PDE9A: variants seen among roughly 807,000 people sequenced by gnomAD.
PDE9A encodes high affinity cGMP-specific 3',5'-cyclic phosphodiesterase 9A.
In PDE9A, 60 loss-of-function variants were observed where a neutral mutation model predicts 87.4. The ratio of observed to expected loss-of-function variants is 0.69; its 90% CI spans 0.56 to 0.85. The LOEUF is 0.85. Among genes scored for constraint, PDE9A ranks in the 40% least tolerant of loss-of-function variants. The probability of loss-of-function intolerance (pLI) is 0.00; values close to 1 mark genes in which losing one functional copy is unlikely to be tolerated. For missense variants in PDE9A, 665 were observed against 779.0 expected, an observed-to-expected ratio of 0.85 and a Z score of 1.74; for synonymous variants, 272 against 279.4, an observed-to-expected ratio of 0.97 and a Z score of 0.27.
At chr21:42,653,938 G>A (rs901509236) in intron 1 of PDE9A, 55 bp downstream of exon 1, 9 of 1,104,634 alleles carry the variant, frequency 8.1e-6, no homozygotes, top group Non-Finnish European at 1.2e-5. Context: ...CAGCGCCGGG[G>A]CCGGGCGCGG....
At chr21:42,725,637 AC>A (rs2146637045) in intron 4 of PDE9A, among the ~76,000 whole-genome samples, 1 of 151,568 alleles carries the variant, frequency 6.6e-6, no homozygotes, top group East Asian at 1.9e-4. Flanking sequence ...ACCCAGCACA[AC>A]CCCCTGGCAT....
chr21:42,699,375 A>G (rs1485505839), intron 4 of PDE9A, among the ~76,000 whole-genome samples: 1 of 152,046 alleles, frequency 6.6e-6, no homozygotes. Context: ...CCCCTCGGCC[A>G]GAGGCCATCC....
In PDE9A at chr21:42,731,797, GC is replaced by G. The variant is rs761644031; in HGVS notation, c.292del (p.Arg98ValfsTer9). 3.7e-6 allele frequency: 6 copies of G among 1,614,086 alleles called. No individual in the cohort carries two copies. In the South Asian group the frequency reaches 6.6e-5, roughly 18 times the overall value. On this transcript the variant is annotated frameshift_variant, in exon 5 of 20. Coordinates refer to ENST00000291539, the MANE Select transcript of PDE9A (RefSeq NM_002606.3). LOFTEE classifies it high-confidence loss of function. ...GGTGTCGAGGACAAGAGAACCACAA[GC>G]CGTGGCCAGTCTGCTGAGAGACCAC... ...SAGVEDKRTT[S>X]RGQSAERPLR...
At chr21:42,740,626 AATG>A (rs56303832) in intron 7 of PDE9A, among the ~76,000 whole-genome samples, 1 of 14,702 alleles carries the variant, frequency 6.8e-5, no homozygotes, top group African/African-American at 2.5e-4. Flanking sequence ...TGGATGGATG[AATG>A]GATACATAGA....
At chr21:42,658,308 G>A (rs1434574677) in intron 1 of PDE9A, among the ~76,000 whole-genome samples, 1 of 152,252 alleles carries the variant, frequency 6.6e-6, no homozygotes, top group Non-Finnish European at 1.5e-5. Flanking sequence ...CCTGGCCCAA[G>A]GGAATGTCGC....
chr21:42,734,023 C>A (rs1398920151), intron 7 of PDE9A: 2 of 152,110 alleles, frequency 1.3e-5, no homozygotes, highest in African/African-American at 2.4e-5. Context: ...TCTCTCTACC[C>A]TCCTGCTTCT....
intron 4 of PDE9A, among the ~76,000 whole-genome samples, chr21:42,730,868 G>A (rs1235221970): frequency 6.6e-6 from 1 of 152,214 alleles, no homozygotes; most frequent in African/African-American, 2.4e-5. Flanking sequence ...GGGACCCTGG[G>A]TCAGTGCTTG....
At chr21:42,678,361 G>A (rs1228265005) in intron 1 of PDE9A, among the ~76,000 whole-genome samples, 2 of 152,232 alleles carry the variant, frequency 1.3e-5, no homozygotes, top group Admixed American at 6.5e-5. Flanking sequence ...AAATGGGGCA[G>A]AGACAGTGAA....
chr21:42,761,937 A>T, intron 13 of PDE9A, 146 bp from the exon 14 acceptor site: 1 of 724,482 alleles, frequency 1.4e-6, no homozygotes, highest in Non-Finnish European at 2.2e-6. Flanking sequence ...CCTCCTGGCC[A>T]GGCCAGGGCA....
At chr21:42,668,898 A>ACCCCCCCCCCCCCCC (rs375148519) in intron 1 of PDE9A, among the ~76,000 whole-genome samples, 20 of 104,762 alleles carry the variant, frequency 1.9e-4, no homozygotes, top group African/African-American at 4.6e-4. Flanking sequence ...TGCTCCCTCC[A>ACCCCCCCCCCCCCCC]CCCCCCGCCA....
At chr21:42,665,908 C>T (rs1394387199) in intron 1 of PDE9A, among the ~76,000 whole-genome samples, 1 of 152,236 alleles carries the variant, frequency 6.6e-6, no homozygotes, top group Non-Finnish European at 1.5e-5. Flanking sequence ...GCTCCTGATG[C>T]TCCCCTGGGC....
Position 42,653,772 on chromosome 21 carries a change from G to A in PDE9A, c.-43G>A, listed in dbSNP as rs924044875. 1.1e-5 allele frequency: 15 copies of A among 1,389,392 alleles called. No homozygotes were observed. The highest frequency in any genetic ancestry group is 9.1e-5 in the African/African-American group (6 of 65,798). 86.1% of individuals were successfully genotyped at this position (1,389,392 alleles called of 1,614,324 possible). On this transcript the variant is annotated 5_prime_UTR_variant, in exon 1 of 20. Transcript: ENST00000291539. ...CCGCCTCCCGCGGCGGCTGGCGTCGGGAAAGTACAGTAAAAAGTCCGAGTG... is the reference window on the plus strand; with the variant it reads ...CCGCCTCCCGCGGCGGCTGGCGTCGAGAAAGTACAGTAAAAAGTCCGAGTG...
intron 4 of PDE9A, among the ~76,000 whole-genome samples, chr21:42,711,514 G>A (rs2049343053): frequency 6.6e-6 from 1 of 151,996 alleles, no homozygotes; most frequent in Non-Finnish European, 1.5e-5. Context: ...GCCTCCCAAA[G>A]TGCTGAGCCA....
At chr21:42,690,002 G>A (rs545347860) in intron 3 of PDE9A, 34 of 985,316 alleles carry the variant, frequency 3.5e-5, no homozygotes, top group East Asian at 2.3e-4. Flanking sequence ...AGACACACGC[G>A]GATGAGGATA....
chr21:42,726,626 T>TATATATATATATA (rs1569207600), intron 4 of PDE9A, among the ~76,000 whole-genome samples: 2 of 41,166 alleles, frequency 4.9e-5, no homozygotes, highest in African/African-American at 3.3e-4. Flanking sequence ...ATATATATAT[T>TATATATATATATA]TTTTTTTTTT....
At chr21:42,676,181 A>G (rs532599780) in intron 1 of PDE9A, among the ~76,000 whole-genome samples, 2 of 152,304 alleles carry the variant, frequency 1.3e-5, no homozygotes, top group East Asian at 3.9e-4. Context: ...AGCCTGCAGA[A>G]CTGTGAGCCA....
Position 42,760,770 on chromosome 21 carries a change from C to A in PDE9A, c.1003-55C>A. The A allele has an allele frequency of 1.0e-6, 1 of 965,720 alleles. No individual in the cohort carries two copies. Among genetic ancestry groups the A allele is most frequent in the South Asian group, 1.3e-5 (1 of 77,056 alleles). The allele number at this position is 965,720 out of a possible 1,614,324, so 59.8% of individuals were successfully genotyped here. A position where few individuals can be genotyped will look rare whatever the true frequency, so the allele number is the denominator to read the frequency against. The stretch of plus-strand genomic sequence containing the variant: ...CACCCAATTCCACCCCCCCTCACCC[C>A]ATCCCACCCTCCGAGTGAAGAGAGC... On this transcript the variant is annotated intron_variant, in intron 12 of 19. Transcript: ENST00000291539. The surrounding 1 kb of genome is among the most constrained non-coding windows in gnomAD (Gnocchi z 5.2).
chr21:42,747,187 T>C (rs979335451), intron 8 of PDE9A, among the ~76,000 whole-genome samples: 4 of 152,184 alleles, frequency 2.6e-5, no homozygotes, highest in Non-Finnish European at 4.4e-5. Context: ...TTGTCCCTTT[T>C]GTCTTTGTCA....
Position 42,765,422 on chromosome 21 carries a change from T to A in PDE9A, c.1284T>A (p.His428Gln). ...TLILATDMAR[H>Q]AEIMDSFKEK... ...TCTTGGCCACTGACATGGCAAGACA[T>A]GCAGAAATTATGGATTCTTTCAAAG... The change falls in exon 15 of 20, where the codon CAT becomes CAA. Residue 428 changes from histidine (H) to glutamine (Q), a missense_variant. By Grantham distance (24) the His-to-Gln change is conservative. Transcript: ENST00000291539. 2 of 1,612,772 alleles carry A rather than the reference T, an allele frequency of 1.2e-6. No homozygotes were observed. Among genetic ancestry groups the A allele is most frequent in the Non-Finnish European group, 1.7e-6 (2 of 1,178,752 alleles).
Sources: gnomAD v4.1 joint callset for allele counts (sites outside exome capture counted in the v4.1 genomes callset) on GRCh38, gnomAD v4.1.1 for gene constraint, Gnocchi (gnomAD v3.1) non-coding constraint, MANE v1.5 for transcripts, NCBI Gene and HGNC (gene_info 2026-07-23, HGNC 2026-07-21) for gene names.